KLHDC2: variants seen among roughly 807,000 people sequenced by gnomAD.
KLHDC2 encodes the protein kelch domain containing 2.
A neutral mutation model predicts 62.3 loss-of-function variants in KLHDC2; 38 were observed. That is an observed-to-expected ratio of 0.61 (90% CI 0.47 to 0.80). The LOEUF is 0.80. Among genes scored for constraint, KLHDC2 ranks in the 30% least tolerant of loss-of-function variants. The pLI is 0.00. For synonymous variants in KLHDC2, 159 were observed against 161.0 expected, an observed-to-expected ratio of 0.99 and a Z score of 0.09; for missense variants, 430 against 495.3, an observed-to-expected ratio of 0.87 and a Z score of 1.25.
chr14:49,781,770 G>A (rs1274746796), intron 10 of KLHDC2, among the ~76,000 whole-genome samples: 1 of 150,968 alleles, frequency 6.6e-6, no homozygotes, highest in Non-Finnish European at 1.5e-5. Flanking sequence ...GTATAACAAA[G>A]ATGAAGAAAT....
Position 49,783,144 on chromosome 14 carries a change from T to C in KLHDC2, c.*191T>C, listed in dbSNP as rs1889991430. 4.6e-6 allele frequency: 2 copies of C among 437,634 alleles called. No homozygotes were observed. Among genetic ancestry groups the C allele is most frequent in the South Asian group, 5.4e-5 (1 of 18,434 alleles). The allele number at this position is 437,634 out of a possible 1,614,324, so 27.1% of individuals were successfully genotyped here. A position where few individuals can be genotyped will look rare whatever the true frequency, so the allele number is the denominator to read the frequency against. On this transcript the variant is annotated 3_prime_UTR_variant, in exon 13 of 13. Coordinates refer to ENST00000298307, the MANE Select transcript of KLHDC2 (RefSeq NM_014315.3). ...AATAAATGTATTTAACACCAGTAGC[T>C]GTCCTCTATTAAAGTAAAGTAATGG...
In KLHDC2 at chr14:49,785,049, T is replaced by C. The variant is rs746331409; in HGVS notation, c.*2096T>C. ...TAAGAATAATCTACTGTTAAGTCAC[T>C]GAACTGTTTAAAATCATAATTCAAA... is the stretch of plus-strand genomic sequence containing the variant. On this transcript the variant is annotated 3_prime_UTR_variant, in exon 13 of 13. Transcript: ENST00000298307. 1 of 1,607,030 alleles carries C rather than the reference T, an allele frequency of 6.2e-7. No homozygotes were observed. The highest frequency in any genetic ancestry group is 8.5e-7 in the Non-Finnish European group (1 of 1,173,830).
intron 1 of KLHDC2, among the ~76,000 whole-genome samples, chr14:49,769,811 CG>C (rs1889624525): frequency 2.6e-5 from 4 of 151,730 alleles, no homozygotes; most frequent in African/African-American, 9.7e-5. Context: ...GGCGTGGTGA[CG>C]GGCGCCCTAA....
Position 49,784,709 on chromosome 14 carries a change from G to A in KLHDC2, c.*1756G>A, listed in dbSNP as rs1265506198. On this transcript the variant is annotated 3_prime_UTR_variant, in exon 13 of 13. Transcript: ENST00000298307. Reference sequence around the variant, plus strand: ...GCCAGGAATGTTTCTTGATAAATCTGTGTCCTAAAAAAAGAAAATTGCTGA... The same window carrying A: ...GCCAGGAATGTTTCTTGATAAATCTATGTCCTAAAAAAAGAAAATTGCTGA... 6.2e-7 allele frequency: 1 copy of A among 1,612,068 alleles called. No individual in the cohort carries two copies. The highest frequency in any genetic ancestry group is 2.2e-5 in the East Asian group (1 of 44,812).
chr14:49,773,585 T>G (rs1314098937), intron 2 of KLHDC2, among the ~76,000 whole-genome samples: 2 of 144,132 alleles, frequency 1.4e-5, no homozygotes, highest in Non-Finnish European at 3.0e-5. Context: ...TTTTTTTTTT[T>G]TTTTTTAATG....
Position 49,768,187 on chromosome 14 carries a change from A to C in KLHDC2, c.-282A>C. 1 of 267,424 alleles carries C rather than the reference A, an allele frequency of 3.7e-6. No individual in the cohort carries two copies. 16.6% of individuals were successfully genotyped at this position (267,424 alleles called of 1,614,324 possible). On this transcript the variant is annotated 5_prime_UTR_variant, in exon 1 of 13. Transcript: ENST00000298307. ...GCAATAGGGAGCCGGCCCGACGCGG[A>C]CCGCTTCCCTGCAGTGCCCCGAGTC...
chr14:49,785,766 T>A lies in KLHDC2; in HGVS notation c.*2813T>A, dbSNP rs1890144038. 1.2e-5 allele frequency: 2 copies of A among 166,888 alleles called. No individual in the cohort carries two copies. The highest frequency in any genetic ancestry group is 2.9e-4 in the South Asian group (2 of 6,794). The allele number at this position is 166,888 out of a possible 1,614,324, so 10.3% of individuals were successfully genotyped here. ...AGCTGGGTATAGTGGGTGCCTGTAG[T>A]CCCAGCTACTCGGAAGACTGAGGGG... On this transcript the variant is annotated 3_prime_UTR_variant, in exon 13 of 13. Transcript: ENST00000298307.
Position 49,768,223 on chromosome 14 carries a change from G to C in KLHDC2, c.-246G>C, listed in dbSNP as rs2139785390. On this transcript the variant is annotated 5_prime_UTR_variant, in exon 1 of 13. Coordinates refer to ENST00000298307, the MANE Select transcript of KLHDC2 (RefSeq NM_014315.3). Reference sequence around the variant, plus strand: ...GCAGTGCCCCGAGTCCCGGGCCCGCGCCGCCGCCGCCCGGCTCCGCTCGCG... The same window carrying C: ...GCAGTGCCCCGAGTCCCGGGCCCGCCCCGCCGCCGCCCGGCTCCGCTCGCG... 1 of 349,272 alleles carries C rather than the reference G, an allele frequency of 2.9e-6. No homozygotes were observed. The highest frequency in any genetic ancestry group is 4.8e-5 in the East Asian group (1 of 20,904). 21.6% of individuals were successfully genotyped at this position (349,272 alleles called of 1,614,324 possible). A position where few individuals can be genotyped will look rare whatever the true frequency, so the allele number is the denominator to read the frequency against.
At chr14:49,780,345 A>G in intron 9 of KLHDC2, 23 bp downstream of exon 9, 11 of 1,355,256 alleles carry the variant, frequency 8.1e-6, no homozygotes, top group East Asian at 2.3e-5. Context: ...AAAATATGAT[A>G]ATGAAATCAT....
At position 49,783,167 on chromosome 14, in the gene KLHDC2, T is replaced by C. The variant is rs1230328421; in HGVS notation, c.*214T>C. On this transcript the variant is annotated 3_prime_UTR_variant, in exon 13 of 13. Coordinates refer to ENST00000298307, the MANE Select transcript of KLHDC2 (RefSeq NM_014315.3). The stretch of plus-strand genomic sequence containing the variant: ...GCTGTCCTCTATTAAAGTAAAGTAA[T>C]GGTTGGGCTTTTTACCCTGAAGAAT... 2 of 369,940 alleles carry C rather than the reference T, an allele frequency of 5.4e-6. No homozygotes were observed. Among genetic ancestry groups the C allele is most frequent in the Non-Finnish European group, 9.5e-6 (2 of 209,766 alleles). 22.9% of individuals were successfully genotyped at this position (369,940 alleles called of 1,614,324 possible). A position where few individuals can be genotyped will look rare whatever the true frequency, so the allele number is the denominator to read the frequency against.
At chr14:49,776,058 T>C (rs1461344900) in intron 3 of KLHDC2, among the ~76,000 whole-genome samples, 4 of 152,188 alleles carry the variant, frequency 2.6e-5, no homozygotes, top group African/African-American at 9.7e-5. Context: ...TGGTGTTAGG[T>C]AGGCTCCAAG....
chr14:49,782,072 T>A (rs1486384429), intron 10 of KLHDC2: 12 of 323,318 alleles, frequency 3.7e-5, no homozygotes, highest in Non-Finnish European at 6.2e-5. Flanking sequence ...AGAAGGCATA[T>A]ACTACTCAGC....
Position 49,783,342 on chromosome 14 carries a change from T to C in KLHDC2, c.*389T>C, listed in dbSNP as rs1890003461. The C allele has an allele frequency of 6.6e-6, 1 of 150,952 alleles. No homozygotes were observed. The highest frequency in any genetic ancestry group is 2.5e-5 in the African/African-American group (1 of 40,650). 9.4% of individuals were successfully genotyped at this position (150,952 alleles called of 1,614,324 possible). ...AAGAGTAGTCTATAGTTATGTAACC[T>C]AGTGTTGTAAATACAATATAATAAA... is the stretch of plus-strand genomic sequence containing the variant. On this transcript the variant is annotated 3_prime_UTR_variant, in exon 13 of 13. Coordinates refer to ENST00000298307, the MANE Select transcript of KLHDC2 (RefSeq NM_014315.3).
intron 2 of KLHDC2, among the ~76,000 whole-genome samples, chr14:49,774,356 G>C (rs1467871514): frequency 6.6e-6 from 1 of 152,216 alleles, no homozygotes; most frequent in African/African-American, 2.4e-5. Context: ...CATGGGGCCA[G>C]CTGGCACTGT....
Position 49,780,764 on chromosome 14 carries a change from C to A in KLHDC2, c.945C>A (p.Thr315=). 1.3e-6 allele frequency: 2 copies of A among 1,588,006 alleles called. No individual in the cohort carries two copies. The highest frequency in any genetic ancestry group is 1.7e-6 in the Non-Finnish European group (2 of 1,156,432). Residue 315 remains threonine (T), a synonymous_variant, in exon 10 of 13, where the codon ACC becomes ACA. Transcript: ENST00000298307. The part of the protein sequence containing the change: ...NEWIQFNHPY[T]EKPRLWHTAC... The stretch of plus-strand genomic sequence containing the variant: ...GGATACAATTTAATCATCCATATAC[C>A]GAAAAACCAAGGTATTTAAAAGCAA...
intron 4 of KLHDC2, 106 bp downstream of exon 4, chr14:49,778,060 A>C: frequency 1.1e-6 from 1 of 890,102 alleles, no homozygotes; most frequent in Middle Eastern, 2.2e-4. Flanking sequence ...CATAGGGCCC[A>C]TATGAAGATT....
chr14:49,783,011 CAG>C lies in KLHDC2; in HGVS notation c.*61_*62del, dbSNP rs1889983973. ...ATGGACAGCAATCCTGTAAACATCA[CAG>C]AGTGGCATCATTTGTATAATTATAT... On this transcript the variant is annotated 3_prime_UTR_variant, in exon 13 of 13. Transcript: ENST00000298307. The C allele has an allele frequency of 6.5e-7, 1 of 1,545,056 alleles. No homozygotes were observed. The highest frequency in any genetic ancestry group is 8.8e-7 in the Non-Finnish European group (1 of 1,134,554).
chr14:49,784,803 T>C lies in KLHDC2; in HGVS notation c.*1850T>C. On this transcript the variant is annotated 3_prime_UTR_variant, in exon 13 of 13. Transcript: ENST00000298307. ...AAAAACGAAAAACATTTCCAAACTTTTAGCTGAGATGGTTTTACTGCTTCT... is the reference window on the plus strand; with the variant it reads ...AAAAACGAAAAACATTTCCAAACTTCTAGCTGAGATGGTTTTACTGCTTCT... 7.1e-7 allele frequency: 1 copy of C among 1,418,100 alleles called. No individual in the cohort carries two copies. The highest frequency in any genetic ancestry group is 9.9e-7 in the Non-Finnish European group (1 of 1,013,550). 87.8% of individuals were successfully genotyped at this position (1,418,100 alleles called of 1,614,324 possible). A position where few individuals can be genotyped will look rare whatever the true frequency, so the allele number is the denominator to read the frequency against.
chr14:49,773,791 T>C (rs1889714738), intron 2 of KLHDC2, among the ~76,000 whole-genome samples: 1 of 151,934 alleles, frequency 6.6e-6, no homozygotes, highest in African/African-American at 2.4e-5. Context: ...TTAAACAGTA[T>C]GGTCTCGATT....
Sources: allele counts gnomAD v4.1 joint callset (sites outside exome capture counted in the v4.1 genomes callset), GRCh38; gene constraint gnomAD v4.1.1; transcripts MANE v1.5; gene names NCBI Gene and HGNC (gene_info 2026-07-23, HGNC 2026-07-21).